CTNNBIP1: variants seen among roughly 807,000 people sequenced by gnomAD.
CTNNBIP1 encodes the protein beta-catenin-interacting protein 1.
In CTNNBIP1, 7 loss-of-function variants were observed where a neutral mutation model predicts 11.8. The observed-to-expected ratio is 0.60, with a 90% CI of 0.34 to 1.12. CTNNBIP1 has a LOEUF of 1.12. Among genes scored for constraint, CTNNBIP1 ranks in the 50% most tolerant of loss-of-function variants. The probability of loss-of-function intolerance (pLI) is 0.03; values close to 1 mark genes in which losing one functional copy is unlikely to be tolerated. For synonymous variants in CTNNBIP1, 58 were observed against 43.9 expected, an observed-to-expected ratio of 1.32 and a Z score of -1.26; for missense variants, 101 against 113.4, an observed-to-expected ratio of 0.89 and a Z score of 0.50.
At chr1:9,891,682 C>T (rs140637008) in intron 1 of CTNNBIP1, among the ~76,000 whole-genome samples, 1,584 of 152,036 alleles carry the variant, frequency 0.01, 23 homozygotes, top group African/African-American at 0.035. Context: ...TGGCAAATGC[C>T]TGTAATCCCA....
At chr1:9,897,879 G>C (rs1294058135) in intron 1 of CTNNBIP1, among the ~76,000 whole-genome samples, 1 of 152,114 alleles carries the variant, frequency 6.6e-6, no homozygotes, top group East Asian at 1.9e-4. Context: ...CCAGCACTTT[G>C]GGAGGCCGAG....
At chr1:9,897,250 C>G (rs562355927) in intron 1 of CTNNBIP1, among the ~76,000 whole-genome samples, 2 of 151,734 alleles carry the variant, frequency 1.3e-5, no homozygotes, top group African/African-American at 2.4e-5. Flanking sequence ...GTCAGGAGAT[C>G]GAGACCATCC....
At chr1:9,908,024 G>C (rs550375321) in intron 1 of CTNNBIP1, among the ~76,000 whole-genome samples, 3 of 152,128 alleles carry the variant, frequency 2.0e-5, no homozygotes, top group African/African-American at 2.4e-5. Context: ...TCTTTATTAC[G>C]ACCTACAAAA....
chr1:9,898,096 C>G (rs920598842), intron 1 of CTNNBIP1, among the ~76,000 whole-genome samples: 8 of 147,220 alleles, frequency 5.4e-5, no homozygotes, highest in African/African-American at 2.0e-4. Flanking sequence ...GTCTGGATAA[C>G]AGAGTGAGAC....
chr1:9,864,930 A>T (rs1455433391), intron 5 of CTNNBIP1, among the ~76,000 whole-genome samples: 2 of 152,236 alleles, frequency 1.3e-5, no homozygotes, highest in Non-Finnish European at 2.9e-5. Flanking sequence ...TGTCCTGCTT[A>T]AAAAAGCATG....
chr1:9,907,048 C>T (rs866729418), intron 1 of CTNNBIP1, among the ~76,000 whole-genome samples: 5 of 152,184 alleles, frequency 3.3e-5, no homozygotes, highest in Admixed American at 6.5e-5. Context: ...GGGACACAGA[C>T]GCTTAACCAT....
chr1:9,878,845 T>C (rs1021155935), intron 2 of CTNNBIP1, among the ~76,000 whole-genome samples: 6 of 152,122 alleles, frequency 3.9e-5, no homozygotes, highest in Middle Eastern at 3.2e-3. Context: ...TCCCAATAAA[T>C]GGTGAGGGCA....
rs1217653158 is a variant in CTNNBIP1 at position 9,875,536 on chromosome 1, G to C, written c.-25+2369C>G. ...GGGACACCTCACACTGGGATTCCTA[G>C]GGCTTGGGCTGCCCAGCTGTGGGCC... On this transcript the variant is annotated intron_variant, in intron 3 of 5. Transcript: ENST00000377263. 2.6e-5 allele frequency among the ~76,000 whole-genome samples: 4 copies of C among 152,226 alleles called. No homozygotes were observed. The South Asian group carries it at 8.3e-4, about 31-fold the overall frequency.
In CTNNBIP1 at chr1:9,850,579, A is replaced by AGGTGG. The variant is rs1002484956; in HGVS notation, c.*134_*138dup. 1.5e-6 allele frequency: 1 copy of AGGTGG among 651,050 alleles called. No homozygotes were observed. Among genetic ancestry groups the AGGTGG allele is most frequent in the Admixed American group, 2.4e-5 (1 of 42,448 alleles). 40.3% of individuals were successfully genotyped at this position (651,050 alleles called of 1,614,324 possible). On this transcript the variant is annotated 3_prime_UTR_variant, in exon 6 of 6. Coordinates refer to ENST00000377263, the MANE Select transcript of CTNNBIP1 (RefSeq NM_020248.3). The stretch of plus-strand genomic sequence containing the variant: ...ATGCCAGCCCCACTGAGTAGCTGTG[A>AGGTGG]GGTGGGGTGGGGCAGGGCAGGGTTG...
chr1:9,855,699 T>C (rs1048115495), intron 5 of CTNNBIP1, among the ~76,000 whole-genome samples: 4 of 151,840 alleles, frequency 2.6e-5, no homozygotes, highest in Non-Finnish European at 4.4e-5. Flanking sequence ...TAGAAACAAA[T>C]TTTTATGACC....
At chr1:9,887,716 A>G (rs1639214490) in intron 1 of CTNNBIP1, among the ~76,000 whole-genome samples, 1 of 152,132 alleles carries the variant, frequency 6.6e-6, no homozygotes, top group Non-Finnish European at 1.5e-5. Flanking sequence ...AAAAAAAAAG[A>G]AAAAGAAAAA....
At chr1:9,856,316 T>C (rs1638501272) in intron 5 of CTNNBIP1, among the ~76,000 whole-genome samples, 2 of 151,664 alleles carry the variant, frequency 1.3e-5, no homozygotes, top group South Asian at 4.2e-4. Flanking sequence ...TGGCAGGAAA[T>C]GGTTTCTTAG....
intron 5 of CTNNBIP1, among the ~76,000 whole-genome samples, chr1:9,855,282 T>C (rs2101433553): frequency 7.0e-6 from 1 of 143,150 alleles, no homozygotes; most frequent in South Asian, 2.2e-4. Flanking sequence ...TTGTAGAAAT[T>C]GACAAGGTGA....
intron 1 of CTNNBIP1, among the ~76,000 whole-genome samples, chr1:9,908,902 G>A (rs768991297): frequency 2.0e-5 from 3 of 152,194 alleles, no homozygotes; most frequent in Admixed American, 6.6e-5. Context: ...TCCCATAGAG[G>A]TGATTTGTAT....
At chr1:9,890,251 A>T (rs1639274241) in intron 1 of CTNNBIP1, among the ~76,000 whole-genome samples, 1 of 152,164 alleles carries the variant, frequency 6.6e-6, no homozygotes, top group Admixed American at 6.5e-5. Flanking sequence ...GCAAACAGGA[A>T]GGCATGTGGA....
intron 1 of CTNNBIP1, among the ~76,000 whole-genome samples, chr1:9,884,853 G>A (rs1267851425): frequency 6.6e-6 from 1 of 152,074 alleles, no homozygotes; most frequent in Non-Finnish European, 1.5e-5. Context: ...GGAGGGAGTT[G>A]GGGAGCAGAG....
chr1:9,872,127 G>T lies in CTNNBIP1; in HGVS notation c.-24-39C>A. The T allele has an allele frequency of 7.9e-7, 1 of 1,267,910 alleles. No homozygotes were observed. Among genetic ancestry groups the T allele is most frequent in the Non-Finnish European group, 1.2e-6 (1 of 867,490 alleles). The allele number at this position is 1,267,910 out of a possible 1,614,324, so 78.5% of individuals were successfully genotyped here. A position where few individuals can be genotyped will look rare whatever the true frequency, so the allele number is the denominator to read the frequency against. ...AACAGCATCAAAAGGGAAGAGATCA[G>T]GATGTGACATACTGGGACAATGACA... On this transcript the variant is annotated intron_variant, in intron 3 of 5. Transcript: ENST00000377263. The surrounding 1 kb of genome is among the most constrained non-coding windows in gnomAD (Gnocchi z 4.0).
rs919076752 is a variant in CTNNBIP1 at position 9,851,065 on chromosome 1, A to G, written c.188-289T>C. On this transcript the variant is annotated intron_variant, in intron 5 of 5. Transcript: ENST00000377263. The surrounding 1 kb of genome is among the most constrained non-coding windows in gnomAD (Gnocchi z 4.8). ...GACAGGTGAGCCATGACGAGGCCCC[A>G]GGTGACCTGGAGCAGGGCTCAGCGC... 2.0e-5 allele frequency among the ~76,000 whole-genome samples: 3 copies of G among 152,210 alleles called. No homozygotes were observed. Among genetic ancestry groups the G allele is most frequent in the African/African-American group, 2.4e-5 (1 of 41,442 alleles).
At chr1:9,900,165 A>G (rs1639494909) in intron 1 of CTNNBIP1, among the ~76,000 whole-genome samples, 1 of 152,132 alleles carries the variant, frequency 6.6e-6, no homozygotes, top group Admixed American at 6.5e-5. Context: ...GCACTTTGGA[A>G]GGCCGAGGCG....
Sources: allele counts gnomAD v4.1 joint callset (sites outside exome capture counted in the v4.1 genomes callset), GRCh38; gene constraint gnomAD v4.1.1; non-coding constraint Gnocchi (gnomAD v3.1); transcripts MANE v1.5; gene names NCBI Gene and HGNC (gene_info 2026-07-23, HGNC 2026-07-21).